Variants in RAP1GDS1 observed in about 807,000 individuals in gnomAD.
RAP1GDS1 encodes Rap1 GTPase-GDP dissociation stimulator 1, also known as RAP1, GTP-GDP dissociation stimulator 1.
A neutral mutation model predicts 71.1 loss-of-function variants in RAP1GDS1; 35 were observed. That is an observed-to-expected ratio of 0.49 (90% confidence interval 0.38 to 0.65). RAP1GDS1 has a LOEUF of 0.65. Ranked by LOEUF, RAP1GDS1 falls within the 30% of genes least tolerant of loss-of-function variation. The probability of loss-of-function intolerance (pLI) is 0.00; values close to 1 mark genes in which losing one functional copy is unlikely to be tolerated. For missense variants in RAP1GDS1, 663 were observed against 706.1 expected, an observed-to-expected ratio of 0.94 and a Z score of 0.69; for synonymous variants, 229 against 243.1, an observed-to-expected ratio of 0.94 and a Z score of 0.54.
At chr4:98,400,506 C>T (rs1254096957) in intron 6 of RAP1GDS1, among the ~76,000 whole-genome samples, 2 of 135,014 alleles carry the variant, frequency 1.5e-5, no homozygotes, top group Non-Finnish European at 3.1e-5. Flanking sequence ...CATGTGGAAG[C>T]TTAAAGTTGA....
At chr4:98,373,960 C>T (rs769873004) in intron 4 of RAP1GDS1, among the ~76,000 whole-genome samples, 1 of 152,120 alleles carries the variant, frequency 6.6e-6, no homozygotes, top group Non-Finnish European at 1.5e-5. Context: ...AGAGGGAGTT[C>T]ATGATTTGAA....
In RAP1GDS1 at chr4:98,336,221, A is replaced by G. The variant is rs1578490363; in HGVS notation, c.113-6918A>G. Among the ~76,000 whole-genome samples the G allele has an allele frequency of 2.6e-5, 4 of 152,290 alleles. No individual in the cohort carries two copies. The Middle Eastern group carries it at 0.014, about 518-fold the overall frequency. On this transcript the variant is annotated intron_variant, in intron 2 of 14. Coordinates refer to ENST00000408927, the MANE Select transcript of RAP1GDS1 (RefSeq NM_001100427.2). ...AATTCAACTTCTTGGTGAACAATCT[A>G]GTTATATACTCTGCTTATACCACAG... is the stretch of plus-strand genomic sequence containing the variant.
At chr4:98,263,479 A>C (rs78533958) in intron 1 of RAP1GDS1, among the ~76,000 whole-genome samples, 3 of 152,338 alleles carry the variant, frequency 2.0e-5, no homozygotes, top group Non-Finnish European at 2.9e-5. Flanking sequence ...ATAGAAACCT[A>C]TCTCTCATTT....
At chr4:98,358,971 A>G (rs1033286119) in intron 4 of RAP1GDS1, among the ~76,000 whole-genome samples, 13 of 151,960 alleles carry the variant, frequency 8.6e-5, no homozygotes, top group African/African-American at 2.9e-4. Context: ...TCCAGAAAGC[A>G]TATATATTCT....
chr4:98,391,943 T>C lies in RAP1GDS1; in HGVS notation c.509-9T>C, dbSNP rs1335958240. 2 of 1,570,838 alleles carry C rather than the reference T, an allele frequency of 1.3e-6. No individual in the cohort carries two copies. Among genetic ancestry groups the C allele is most frequent in the Non-Finnish European group, 1.7e-6 (2 of 1,163,952 alleles). On this transcript the variant is annotated splice_polypyrimidine_tract_variant and intron_variant, in intron 5 of 14. Coordinates refer to ENST00000408927, the MANE Select transcript of RAP1GDS1 (RefSeq NM_001100427.2). ...CTTTTCTGTTGTTGTTTTTTTTTTGTTTTTACAGATTCGCTTCAAGCTCAG... is the reference window on the plus strand; with the variant it reads ...CTTTTCTGTTGTTGTTTTTTTTTTGCTTTTACAGATTCGCTTCAAGCTCAG...
intron 2 of RAP1GDS1, among the ~76,000 whole-genome samples, chr4:98,324,226 C>G (rs1732530210): frequency 6.9e-6 from 1 of 145,044 alleles, no homozygotes; most frequent in African/African-American, 2.6e-5. Flanking sequence ...ATGTGAAGGA[C>G]CTCTTCAAGG....
At chr4:98,431,467 G>A (rs914609574) in intron 12 of RAP1GDS1, among the ~76,000 whole-genome samples, 1 of 152,172 alleles carries the variant, frequency 6.6e-6, no homozygotes, top group Non-Finnish European at 1.5e-5. Flanking sequence ...TGGATAATTT[G>A]CCTTGGTTTT....
chr4:98,282,514 G>A (rs568455201), intron 1 of RAP1GDS1, among the ~76,000 whole-genome samples: 1 of 150,078 alleles, frequency 6.7e-6, no homozygotes, highest in Non-Finnish European at 1.5e-5. Flanking sequence ...TTCTTTATTA[G>A]TCTTGCTAGC....
At chr4:98,368,925 T>C (rs1375325246) in intron 4 of RAP1GDS1, among the ~76,000 whole-genome samples, 1 of 152,202 alleles carries the variant, frequency 6.6e-6, no homozygotes, top group African/African-American at 2.4e-5. Flanking sequence ...TTAGTCTGTT[T>C]CACATGCTAG....
intron 4 of RAP1GDS1, among the ~76,000 whole-genome samples, chr4:98,374,791 TA>T (rs1283573407): frequency 1.3e-5 from 2 of 152,234 alleles, no homozygotes. Flanking sequence ...GGACTTTCCT[TA>T]GTGTTCTTGC....
chr4:98,308,832 C>T (rs969656853), intron 2 of RAP1GDS1, among the ~76,000 whole-genome samples: 2 of 151,916 alleles, frequency 1.3e-5, no homozygotes, highest in African/African-American at 2.4e-5. Flanking sequence ...ACTATTAAAA[C>T]ATCTGACAAA....
chr4:98,348,840 TG>T (rs1736712887), intron 3 of RAP1GDS1, among the ~76,000 whole-genome samples: 1 of 152,210 alleles, frequency 6.6e-6, no homozygotes, highest in African/African-American at 2.4e-5. Flanking sequence ...TAAATTTGTT[TG>T]AGTTCTTTGT....
intron 2 of RAP1GDS1, among the ~76,000 whole-genome samples, chr4:98,341,675 A>G (rs1420101029): frequency 4.6e-5 from 7 of 152,100 alleles, no homozygotes; most frequent in Non-Finnish European, 8.8e-5. Context: ...AAAGATTTTA[A>G]CATGGCAAAT....
chr4:98,308,603 T>C lies in RAP1GDS1; in HGVS notation c.112+15088T>C, dbSNP rs890645783. Among the ~76,000 whole-genome samples the C allele has an allele frequency of 2.6e-5, 4 of 152,124 alleles. No individual in the cohort carries two copies. The South Asian group carries it at 8.3e-4, about 32-fold the overall frequency. The stretch of plus-strand genomic sequence containing the variant: ...ATAAAGCTTGTTTATAATAAAATTA[T>C]TTGTTGAGAGCATTAATAATAAGGG... On this transcript the variant is annotated intron_variant, in intron 2 of 14. Transcript: ENST00000408927.
intron 4 of RAP1GDS1, among the ~76,000 whole-genome samples, chr4:98,377,337 C>T (rs1741313578): frequency 1.3e-5 from 2 of 151,648 alleles, no homozygotes; most frequent in Non-Finnish European, 3.0e-5. Context: ...ATAGAAATTG[C>T]CCAGTAATTT....
At chr4:98,315,390 A>G (rs1027556664) in intron 2 of RAP1GDS1, among the ~76,000 whole-genome samples, 1 of 152,278 alleles carries the variant, frequency 6.6e-6, no homozygotes. Context: ...TGACTACCAA[A>G]TATGCTCTAA....
chr4:98,359,757 A>G (rs1413141768), intron 4 of RAP1GDS1, among the ~76,000 whole-genome samples: 5 of 152,122 alleles, frequency 3.3e-5, no homozygotes, highest in African/African-American at 1.2e-4. Flanking sequence ...AGAAATTGAT[A>G]TTTTCAGTTT....
chr4:98,396,096 T>A (rs1359872664), intron 6 of RAP1GDS1: 1 of 151,896 alleles, frequency 6.6e-6, no homozygotes, highest in Non-Finnish European at 1.5e-5. Flanking sequence ...CTTAACCAGA[T>A]CTCATATGAA....
rs535892133 is a variant in RAP1GDS1 at position 98,423,732 on chromosome 4, C to T, written c.1440+2338C>T. On this transcript the variant is annotated intron_variant, in intron 12 of 14. Coordinates refer to ENST00000408927, the MANE Select transcript of RAP1GDS1 (RefSeq NM_001100427.2). ...GCTAATTTTGTATTTTTAGTAGAGA[C>T]GGGGTTTCTCCATTTTGGTCAGGCT... Among the ~76,000 whole-genome samples the T allele has an allele frequency of 1.5e-4, 23 of 151,998 alleles. No individual in the cohort carries two copies. The South Asian group carries it at 3.5e-3, about 23-fold the overall frequency.
Sources: allele counts gnomAD v4.1 joint callset (sites outside exome capture counted in the v4.1 genomes callset), GRCh38; gene constraint gnomAD v4.1.1; transcripts MANE v1.5; gene names NCBI Gene and HGNC (gene_info 2026-07-23, HGNC 2026-07-21).